Variants in DNAH7 observed in about 807,000 individuals in gnomAD.
DNAH7 encodes the protein dynein axonemal heavy chain 7.
Under a neutral mutation model 444.6 loss-of-function variants are expected in DNAH7, and 397 were observed. That is an observed-to-expected ratio of 0.89 (90% CI 0.82 to 0.97). DNAH7 has a LOEUF of 0.97. DNAH7 is among the 50% of genes least tolerant of loss of function. The pLI is 0.00. For missense variants in DNAH7, 4,902 were observed against 4,800.8 expected, an observed-to-expected ratio of 1.02 and a Z score of -0.62; for synonymous variants, 1,636 against 1,624.4, an observed-to-expected ratio of 1.01 and a Z score of -0.17.
At chr2:195,992,161 G>T (rs1693381968) in intron 12 of DNAH7, among the ~76,000 whole-genome samples, 1 of 152,084 alleles carries the variant, frequency 6.6e-6, no homozygotes, top group Non-Finnish European at 1.5e-5. Flanking sequence ...GATAGATATG[G>T]GAAACAGGGA....
At chr2:195,904,723 G>C (rs574324477) in intron 27 of DNAH7, 1 of 152,302 alleles carries the variant, frequency 6.6e-6, no homozygotes, top group Non-Finnish European at 1.5e-5. Flanking sequence ...GTGTGGCAGG[G>C]GGACCAGGTC....
chr2:195,777,618 C>G lies in DNAH7; in HGVS notation c.11064+182G>C, dbSNP rs573601925. ...CTGATACTTCTTACATTACAGTGAACAGGAAACCCCTAACTCCACCTATAG... is the reference window on the plus strand; with the variant it reads ...CTGATACTTCTTACATTACAGTGAAGAGGAAACCCCTAACTCCACCTATAG... On this transcript the variant is annotated intron_variant, in intron 59 of 64. Transcript: ENST00000312428. Among the ~76,000 whole-genome samples the G allele has an allele frequency of 5.3e-5, 8 of 152,294 alleles. No individual in the cohort carries two copies. In the South Asian group the frequency reaches 1.4e-3, roughly 28 times the overall value.
chr2:195,853,576 T>C (rs1461796470), intron 45 of DNAH7, 48 bp from the exon 46 acceptor site: 7 of 1,520,184 alleles, frequency 4.6e-6, no homozygotes, highest in Non-Finnish European at 4.4e-6. Flanking sequence ...GTATAAGAAG[T>C]TTAAAATTCT....
At chr2:195,912,246 A>C (rs542521014) in intron 24 of DNAH7, among the ~76,000 whole-genome samples, 2 of 152,266 alleles carry the variant, frequency 1.3e-5, no homozygotes, top group East Asian at 3.9e-4. Flanking sequence ...GGGGCCTTTG[A>C]GACTGCTCAG....
chr2:195,954,149 G>A (rs921634315), intron 19 of DNAH7, among the ~76,000 whole-genome samples: 3 of 152,024 alleles, frequency 2.0e-5, no homozygotes, highest in Admixed American at 1.3e-4. Context: ...TTAACATTAG[G>A]TATATCTCCT....
intron 8 of DNAH7, 115 bp from the exon 9 acceptor site, chr2:196,019,410 A>T (rs983794353): frequency 6.0e-5 from 45 of 751,756 alleles, no homozygotes; most frequent in Non-Finnish European, 7.5e-5. Context: ...ATCCCTCATC[A>T]TAATAACAAA....
chr2:195,785,662 T>C (rs1191044239), intron 58 of DNAH7, among the ~76,000 whole-genome samples: 1 of 151,644 alleles, frequency 6.6e-6, no homozygotes, highest in Admixed American at 6.6e-5. Context: ...TCTGCATCTA[T>C]CGATATGATC....
rs1686631195 is a variant in DNAH7 at position 195,900,435 on chromosome 2, G to A, written c.4395C>T (p.Val1465=). 1 of 1,613,832 alleles carries A rather than the reference G, an allele frequency of 6.2e-7. No individual in the cohort carries two copies. Residue 1465 remains valine, a synonymous_variant, in exon 28 of 65, where the codon GTC becomes GTT. Coordinates refer to ENST00000312428, the MANE Select transcript of DNAH7 (RefSeq NM_018897.3). The part of the protein sequence containing the change: ...VPDYAMIAEI[V]LYSCGFVTAR... ...CAGTGACAAACCCACAGGAGTATAG[G>A]ACTATTTCAGCAATCATGGCATAGT...
chr2:195,968,229 G>T (rs903895372), intron 17 of DNAH7, among the ~76,000 whole-genome samples: 5 of 152,156 alleles, frequency 3.3e-5, no homozygotes, highest in African/African-American at 9.7e-5. Context: ...GGTACCCAAA[G>T]CCAGCATGTA....
intron 49 of DNAH7, among the ~76,000 whole-genome samples, chr2:195,821,318 T>C (rs776592911): frequency 6.6e-6 from 1 of 152,228 alleles, no homozygotes; most frequent in African/African-American, 2.4e-5. Context: ...AAATAGGTAA[T>C]GCTGTTACTG....
At chr2:195,814,309 G>A (rs1021469065) in intron 51 of DNAH7, among the ~76,000 whole-genome samples, 9 of 152,122 alleles carry the variant, frequency 5.9e-5, no homozygotes, top group Non-Finnish European at 1.3e-4. Context: ...TGAAATTAAA[G>A]AAGTTCAACT....
chr2:195,798,972 A>T (rs1299615818), intron 55 of DNAH7, among the ~76,000 whole-genome samples: 2 of 152,184 alleles, frequency 1.3e-5, no homozygotes, highest in African/African-American at 2.4e-5. Flanking sequence ...GTCACTGTCC[A>T]GGCTTGAATT....
At chr2:195,907,048 G>A (rs1687071230) in intron 25 of DNAH7, 39 bp from the exon 26 acceptor site, 2 of 1,482,042 alleles carry the variant, frequency 1.3e-6, no homozygotes, top group Non-Finnish European at 9.3e-7. Context: ...GACTTTATCT[G>A]ATTCAATGTT....
At chr2:196,042,484 TA>T (rs1696831257) in intron 5 of DNAH7, among the ~76,000 whole-genome samples, 1 of 151,808 alleles carries the variant, frequency 6.6e-6, no homozygotes, top group African/African-American at 2.4e-5. Context: ...AGGAAATACA[TA>T]AAGAACTCTT....
At position 196,012,797 on chromosome 2, in the gene DNAH7, G is replaced by A; in HGVS notation, c.979C>T (p.Leu327=). The A allele has an allele frequency of 6.3e-7, 1 of 1,598,856 alleles. No individual in the cohort carries two copies. Among genetic ancestry groups the A allele is most frequent in the Non-Finnish European group, 8.5e-7 (1 of 1,173,380 alleles). Residue 327 remains leucine, a synonymous_variant, in exon 10 of 65, where the codon CTA becomes TTA. Transcript: ENST00000312428. Reference sequence around the variant, plus strand: ...ATTTCAAACCTTTACATTTTAAGTAGAGTCTCTTTGGCAGAGTCCATGTGT... The same window carrying A: ...ATTTCAAACCTTTACATTTTAAGTAAAGTCTCTTTGGCAGAGTCCATGTGT... ...MRHMDSAKET[L]LKMWFPEVQN... is the part of the protein sequence containing the mutation.
intron 35 of DNAH7, among the ~76,000 whole-genome samples, chr2:195,882,496 T>C (rs1262429001): frequency 2.0e-5 from 3 of 152,224 alleles, no homozygotes; most frequent in Admixed American, 1.3e-4. Context: ...AATTTACCCT[T>C]AACAATTTTT....
At chr2:195,995,994 T>A (rs1693672001) in intron 12 of DNAH7, among the ~76,000 whole-genome samples, 1 of 152,226 alleles carries the variant, frequency 6.6e-6, no homozygotes, top group African/African-American at 2.4e-5. Flanking sequence ...GTATGGACAT[T>A]TTAACATAGT....
At position 195,816,750 on chromosome 2, in the gene DNAH7, T is replaced by C. The variant is rs1365143067; in HGVS notation, c.9639A>G (p.Leu3213=). The C allele has an allele frequency of 1.2e-6, 2 of 1,613,904 alleles. No individual in the cohort carries two copies. The highest frequency in any genetic ancestry group is 3.3e-5 in the Admixed American group (2 of 60,008). ...TGGCTAAATCAGCAAGAGAAAAAAA[T>C]AGGATGGAAGAATGGATGGCAATAG... ...YRPIAIHSSI[L]FFSLADLANI... Residue 3213 remains leucine, a synonymous_variant, in exon 51 of 65, where the codon CTA becomes CTG. Coordinates refer to ENST00000312428, the MANE Select transcript of DNAH7 (RefSeq NM_018897.3).
intron 48 of DNAH7, among the ~76,000 whole-genome samples, chr2:195,829,137 T>C (rs564944893): frequency 1.3e-5 from 2 of 152,282 alleles, no homozygotes; most frequent in South Asian, 4.1e-4. Context: ...TTGTTTTGTT[T>C]TGCTTTGCTT....
Sources: gnomAD v4.1 joint callset for allele counts (sites outside exome capture counted in the v4.1 genomes callset) on GRCh38, gnomAD v4.1.1 for gene constraint, MANE v1.5 for transcripts, NCBI Gene and HGNC (gene_info 2026-07-23, HGNC 2026-07-21) for gene names.